MATCAP2: variants seen among roughly 807,000 people sequenced by gnomAD.
MATCAP2 encodes putative tyrosine carboxypeptidase MATCAP2.
At chr7:36,336,265 T>A in the MATCAP2 span, 1 of 1,532,852 alleles carries the variant, frequency 6.5e-7, no homozygotes, top group Non-Finnish European at 8.7e-7. Flanking sequence ...AACTTCCATA[T>A]TTCTGTAAAG....
chr7:36,379,375 C>T, the MATCAP2 span, among the ~76,000 whole-genome samples: 6 of 152,192 alleles, frequency 3.9e-5, no homozygotes, highest in East Asian at 1.2e-3. Context: ...AATAAGAACC[C>T]ACAAGGTTTT....
At chr7:36,336,236 G>T in the MATCAP2 span, 1 of 1,535,000 alleles carries the variant, frequency 6.5e-7, no homozygotes, top group Non-Finnish European at 8.7e-7. Context: ...ACCACCAGTG[G>T]CTTGTTCAAA....
At chr7:36,341,041 T>C in the MATCAP2 span, among the ~76,000 whole-genome samples, 1 of 152,188 alleles carries the variant, frequency 6.6e-6, no homozygotes, top group East Asian at 1.9e-4. Flanking sequence ...TTTTCAGAAG[T>C]TTTAAAATTC....
chr7:36,368,553 A>G, the MATCAP2 span, among the ~76,000 whole-genome samples: 8 of 152,118 alleles, frequency 5.3e-5, no homozygotes. Flanking sequence ...TCTTGTCTGG[A>G]TTATGGCAGT....
At chr7:36,347,236 C>T in the MATCAP2 span, among the ~76,000 whole-genome samples, 1 of 152,068 alleles carries the variant, frequency 6.6e-6, no homozygotes, top group East Asian at 1.9e-4. Context: ...CTATATAAAA[C>T]TTTCAACACT....
the MATCAP2 span, chr7:36,366,776 G>A: frequency 2.0e-6 from 3 of 1,534,762 alleles, no homozygotes; most frequent in Admixed American, 5.9e-5. Context: ...AGCGCCTCCT[G>A]CGCGCCCCGA....
the MATCAP2 span, among the ~76,000 whole-genome samples, chr7:36,351,935 GA>G: frequency 1.3e-5 from 1 of 75,424 alleles, no homozygotes; most frequent in African/African-American, 4.9e-5. Flanking sequence ...GACAAAGGGA[GA>G]TTGTTAAAAA....
chr7:36,362,868 CA>C, the MATCAP2 span, among the ~76,000 whole-genome samples: 1 of 152,216 alleles, frequency 6.6e-6, no homozygotes, highest in Non-Finnish European at 1.5e-5. Context: ...TTTAGACCCT[CA>C]TAACACCTTG....
At chr7:36,365,693 C>G in the MATCAP2 span, among the ~76,000 whole-genome samples, 1 of 152,122 alleles carries the variant, frequency 6.6e-6, no homozygotes, top group Non-Finnish European at 1.5e-5. Flanking sequence ...AGCGAGACTC[C>G]GTCTCAAAAA....
the MATCAP2 span, chr7:36,367,413 G>A: frequency 5.2e-6 from 4 of 775,530 alleles, no homozygotes; most frequent in Non-Finnish European, 5.8e-6. Flanking sequence ...AGCGCGCTGG[G>A]GTCTCCAGCC....
the MATCAP2 span, among the ~76,000 whole-genome samples, chr7:36,382,357 G>GA: frequency 1.3e-5 from 2 of 150,054 alleles, no homozygotes; most frequent in Non-Finnish European, 3.0e-5. Flanking sequence ...TGCATGGGAG[G>GA]AAAATTTAAG....
chr7:36,350,233 T>G, the MATCAP2 span, among the ~76,000 whole-genome samples: 1 of 152,160 alleles, frequency 6.6e-6, no homozygotes, highest in Non-Finnish European at 1.5e-5. Context: ...TTTTTTTCTA[T>G]CAAAAGAGAA....
the MATCAP2 span, among the ~76,000 whole-genome samples, chr7:36,331,239 A>G: frequency 6.6e-6 from 1 of 152,228 alleles, no homozygotes; most frequent in African/African-American, 2.4e-5. Context: ...ATTACATAAA[A>G]TGTCAGGTCT....
the MATCAP2 span, chr7:36,325,729 A>C: frequency 1.3e-5 from 2 of 152,200 alleles, no homozygotes; most frequent in African/African-American, 4.8e-5. Context: ...AGCAAAACAG[A>C]ACTCTCATTT....
chr7:36,357,421 C>G, the MATCAP2 span: 6 of 1,613,828 alleles, frequency 3.7e-6, no homozygotes, highest in Non-Finnish European at 4.2e-6. Context: ...ACTTTTTTTC[C>G]TCCTTGCTCT....
At chr7:36,366,944 C>A in the MATCAP2 span, 1 of 1,369,098 alleles carries the variant, frequency 7.3e-7, no homozygotes, top group South Asian at 1.8e-5. Context: ...CCAGCATCGT[C>A]GCCCCGAGGC....
chr7:36,375,523 C>T, the MATCAP2 span, among the ~76,000 whole-genome samples: 1 of 152,086 alleles, frequency 6.6e-6, no homozygotes, highest in Admixed American at 6.5e-5. Context: ...GCATCAATGT[C>T]GTCAGGGATA....
At chr7:36,379,008 G>T in the MATCAP2 span, among the ~76,000 whole-genome samples, 2 of 152,226 alleles carry the variant, frequency 1.3e-5, no homozygotes, top group Non-Finnish European at 2.9e-5. Flanking sequence ...TACTGTCACA[G>T]CTGCCCTTGG....
chr7:36,367,538 T>A, the MATCAP2 span, among the ~76,000 whole-genome samples: 1 of 152,186 alleles, frequency 6.6e-6, no homozygotes, highest in Non-Finnish European at 1.5e-5. Context: ...AAAGCCAGTC[T>A]ACCCGTCCTT....
Sources: allele counts gnomAD v4.1 joint callset (sites outside exome capture counted in the v4.1 genomes callset), GRCh38; gene constraint gnomAD v4.1.1; transcripts MANE v1.5; gene names NCBI Gene and HGNC (gene_info 2026-07-23, HGNC 2026-07-21).